Variants in RAB40C observed in about 807,000 individuals in gnomAD.
RAB40C encodes the protein ras-related protein Rab-40C.
In RAB40C, 8 loss-of-function variants were observed where a neutral mutation model predicts 28.1. That is an observed-to-expected ratio of 0.28 (90% CI 0.17 to 0.51). The LOEUF (loss-of-function observed/expected upper bound fraction) is 0.51. RAB40C is among the 20% of genes least tolerant of loss of function. RAB40C has a pLI of 0.97. For synonymous variants in RAB40C, 201 were observed against 171.7 expected, an observed-to-expected ratio of 1.17 and a Z score of -1.34; for missense variants, 288 against 405.9, an observed-to-expected ratio of 0.71 and a Z score of 2.50.
intron 1 of RAB40C, among the ~76,000 whole-genome samples, chr16:604,433 G>A (rs568739077): frequency 6.6e-6 from 1 of 152,184 alleles, no homozygotes; most frequent in African/African-American, 2.4e-5. Context: ...TTCTGAAGGT[G>A]TTTCTCTAGA....
chr16:596,775 G>A (rs1000073617), intron 1 of RAB40C, among the ~76,000 whole-genome samples: 1 of 152,222 alleles, frequency 6.6e-6, no homozygotes, highest in African/African-American at 2.4e-5. Context: ...CAGGGCAGGA[G>A]CTGGGTGGAA....
intron 1 of RAB40C, among the ~76,000 whole-genome samples, chr16:601,117 C>G (rs988962374): frequency 6.6e-6 from 1 of 152,190 alleles, no homozygotes; most frequent in African/African-American, 2.4e-5. Flanking sequence ...AGTAAATGGG[C>G]CTGCTGCTTG....
At chr16:624,682 T>C in intron 3 of RAB40C, 1 of 985,422 alleles carries the variant, frequency 1.0e-6, no homozygotes, top group Non-Finnish European at 1.2e-6. Context: ...GGATCACAGC[T>C]CATTGGCTGG....
rs113086265 is a variant in RAB40C, at chr16:610,417, G to A, written c.143-6791G>A. ...CCAGCAGATGAGGAGGAGAGCAGGGGGAAGGGTGGCAGGAGTTGCTGGTGC... is the reference window on the plus strand; with the variant it reads ...CCAGCAGATGAGGAGGAGAGCAGGGAGAAGGGTGGCAGGAGTTGCTGGTGC... On this transcript the variant is annotated intron_variant, in intron 1 of 5. Coordinates refer to ENST00000248139, the MANE Select transcript of RAB40C (RefSeq NM_021168.5). The surrounding 1 kb of genome is among the most constrained non-coding windows in gnomAD (Gnocchi z 4.6). 3.9e-5 allele frequency among the ~76,000 whole-genome samples: 6 copies of A among 152,276 alleles called. 1 individual carries two copies. Among genetic ancestry groups the A allele is most frequent in the African/African-American group, 1.4e-4 (6 of 41,548 alleles).
intron 1 of RAB40C, among the ~76,000 whole-genome samples, chr16:601,792 G>A (rs2036253757): frequency 8.1e-6 from 1 of 123,354 alleles, no homozygotes; most frequent in South Asian, 2.7e-4. Context: ...AACGTAGCAA[G>A]GCCCTATCCC....
chr16:618,373 A>G (rs1236383368), intron 3 of RAB40C, 113 bp downstream of exon 3: 2 of 1,042,164 alleles, frequency 1.9e-6, no homozygotes, highest in African/African-American at 1.6e-5. Flanking sequence ...CTTTATAAGG[A>G]TATTCTCACA....
intron 1 of RAB40C, among the ~76,000 whole-genome samples, chr16:600,069 A>G (rs74610889): frequency 6.3e-4 from 92 of 146,536 alleles, no homozygotes; most frequent in East Asian, 2.3e-3. Context: ...GGATTTGCAA[A>G]GTTTTGTTCC....
chr16:603,789 A>G (rs2036303157), intron 1 of RAB40C, among the ~76,000 whole-genome samples: 1 of 151,902 alleles, frequency 6.6e-6, no homozygotes, highest in Non-Finnish European at 1.5e-5. Context: ...CCCAGCCCCC[A>G]GCAGTCGGCT....
intron 2 of RAB40C, 63 bp from the exon 3 acceptor site, chr16:618,137 G>A (rs2036626871): frequency 1.3e-6 from 2 of 1,526,436 alleles, no homozygotes; most frequent in Non-Finnish European, 9.0e-7. Context: ...GGCAGAGGAG[G>A]GAAGGAGGTG....
intron 3 of RAB40C, among the ~76,000 whole-genome samples, chr16:621,889 C>G (rs897423282): frequency 6.6e-6 from 1 of 152,136 alleles, no homozygotes; most frequent in Non-Finnish European, 1.5e-5. Context: ...GGGAGGCACA[C>G]GTGCTGCTGG....
chr16:610,654 C>T lies in RAB40C; in HGVS notation c.143-6554C>T, dbSNP rs2036463799. ...AGCTCTGCAGCCGGAGCCCACTGCC[C>T]CTGCCCCTGCGCCGTCCCCCAGCGC... On this transcript the variant is annotated intron_variant, in intron 1 of 5. Coordinates refer to ENST00000248139, the MANE Select transcript of RAB40C (RefSeq NM_021168.5). This position sits in a 1 kb window ranked among gnomAD's most constrained non-coding sequence, Gnocchi z 4.6. Among the ~76,000 whole-genome samples, 1 of 152,102 alleles carries T rather than the reference C, an allele frequency of 6.6e-6. No individual in the cohort carries two copies. The highest frequency in any genetic ancestry group is 1.5e-5 in the Non-Finnish European group (1 of 68,004).
chr16:617,132 C>T, intron 1 of RAB40C, 76 bp from the exon 2 acceptor site: 2 of 1,501,320 alleles, frequency 1.3e-6, no homozygotes, highest in Admixed American at 1.7e-5. Flanking sequence ...CCTGGGAGGC[C>T]AGTGGCCGAG....
chr16:594,065 C>T (rs998958536), intron 1 of RAB40C, among the ~76,000 whole-genome samples: 4 of 152,156 alleles, frequency 2.6e-5, no homozygotes, highest in Admixed American at 2.0e-4. Context: ...GGTGCACACC[C>T]TTCCCCAAGC....
At chr16:596,564 T>C (rs531908949) in intron 1 of RAB40C, 1 of 331,698 alleles carries the variant, frequency 3.0e-6, no homozygotes, top group African/African-American at 2.2e-5. Context: ...AGCATCCTGG[T>C]GCGGAGAACG....
intron 1 of RAB40C, among the ~76,000 whole-genome samples, chr16:614,342 C>T (rs1388618214): frequency 1.8e-4 from 17 of 93,666 alleles, no homozygotes; most frequent in South Asian, 4.9e-4. Context: ...AACTCTGCCG[C>T]ATCCCGATGG....
chr16:616,119 T>C (rs2036579031), intron 1 of RAB40C, among the ~76,000 whole-genome samples: 1 of 151,316 alleles, frequency 6.6e-6, no homozygotes, highest in Non-Finnish European at 1.5e-5. Flanking sequence ...TATCCGGGCA[T>C]GGTGGCGGGC....
Position 618,267 on chromosome 16 carries a change from C to T in RAB40C, c.264+7C>T, listed in dbSNP as rs2036630882. ...CTACTCCAGGGGCGCTCAGGTAAGA[C>T]CAGCACCGCTCTTTCCATTGCTTTT... On this transcript the variant is annotated splice_region_variant and intron_variant, in intron 3 of 5. Transcript: ENST00000248139. The T allele has an allele frequency of 6.2e-7, 1 of 1,609,378 alleles. No homozygotes were observed.
At chr16:612,650 A>C (rs558616118) in intron 1 of RAB40C, among the ~76,000 whole-genome samples, 1 of 28,156 alleles carries the variant, frequency 3.6e-5, no homozygotes, top group Non-Finnish European at 6.2e-5. Flanking sequence ...TTGCCTGTAG[A>C]ATCAAGAGCA....
intron 1 of RAB40C, among the ~76,000 whole-genome samples, chr16:603,441 G>A (rs899007766): frequency 2.0e-5 from 3 of 150,032 alleles, no homozygotes; most frequent in African/African-American, 4.8e-5. Flanking sequence ...AATGCGGAGC[G>A]CCGGCCCCGC....
Sources: gnomAD v4.1 joint callset for allele counts (sites outside exome capture counted in the v4.1 genomes callset) on GRCh38, gnomAD v4.1.1 for gene constraint, Gnocchi (gnomAD v3.1) non-coding constraint, MANE v1.5 for transcripts, NCBI Gene and HGNC (gene_info 2026-07-23, HGNC 2026-07-21) for gene names.